The following CPQ variants were observed in gnomAD, a reference collection of about 807,000 sequenced individuals.
CPQ encodes the protein Ser-Met dipeptidase.
CPQ carries 37 observed loss-of-function variants against 45.7 expected under a neutral mutation model. The ratio of observed to expected loss-of-function variants is 0.81; its 90% CI spans 0.62 to 1.07. The LOEUF (loss-of-function observed/expected upper bound fraction) is 1.07, where lower values mean the gene tolerates loss of function less well. Ranked by LOEUF, CPQ falls within the 50% of genes least tolerant of loss-of-function variation. The pLI, the probability that CPQ is intolerant of heterozygous loss-of-function variation, is 0.00. For synonymous variants in CPQ, 186 were observed against 205.8 expected (o/e 0.90, Z 0.82); for missense variants, 537 against 572.9 (o/e 0.94, Z 0.64).
intron 7 of CPQ, among the ~76,000 whole-genome samples, chr8:97,073,148 T>C (rs890057832): frequency 4.6e-5 from 7 of 152,230 alleles, no homozygotes; most frequent in South Asian, 2.1e-4. Context: ...AGACTCCACG[T>C]TGAAGTACCA....
chr8:96,776,466 C>G (rs1044796607), intron 1 of CPQ, among the ~76,000 whole-genome samples: 7 of 152,170 alleles, frequency 4.6e-5, no homozygotes, highest in African/African-American at 1.4e-4. Flanking sequence ...ATCTTAGTCT[C>G]TCTATCTTTT....
At chr8:96,878,935 G>A (rs1315163769) in intron 3 of CPQ, among the ~76,000 whole-genome samples, 1 of 152,216 alleles carries the variant, frequency 6.6e-6, no homozygotes, top group Non-Finnish European at 1.5e-5. Context: ...AGCTGTGACA[G>A]TTTGGTCCTG....
intron 1 of CPQ, among the ~76,000 whole-genome samples, chr8:96,758,273 C>T (rs1001261243): frequency 6.6e-6 from 1 of 152,182 alleles, no homozygotes; most frequent in Non-Finnish European, 1.5e-5. Context: ...AGACTGATTG[C>T]TGCTCACTAT....
At chr8:96,866,439 G>T (rs939190563) in intron 3 of CPQ, among the ~76,000 whole-genome samples, 1 of 151,934 alleles carries the variant, frequency 6.6e-6, no homozygotes, top group East Asian at 1.9e-4. Flanking sequence ...AGGCAACTAG[G>T]AAAAATAGTT....
At chr8:96,720,519 T>C (rs1809748258) in intron 1 of CPQ, among the ~76,000 whole-genome samples, 2 of 152,218 alleles carry the variant, frequency 1.3e-5, no homozygotes, top group African/African-American at 4.8e-5. Context: ...CTCTAGGTGC[T>C]GCCTAAGCCC....
At chr8:96,840,026 G>T (rs552308646) in intron 3 of CPQ, among the ~76,000 whole-genome samples, 6 of 152,122 alleles carry the variant, frequency 3.9e-5, no homozygotes, top group African/African-American at 7.2e-5. Flanking sequence ...CTTCCATGCT[G>T]TTAGATTGTA....
At chr8:96,767,281 C>T (rs1414039149) in intron 1 of CPQ, among the ~76,000 whole-genome samples, 4 of 152,126 alleles carry the variant, frequency 2.6e-5, no homozygotes, top group East Asian at 1.9e-4. Context: ...GTTTCCTCAC[C>T]TCATTTCCCA....
At position 96,959,528 on chromosome 8, in the gene CPQ, G is replaced by A. The variant is rs1053075498; in HGVS notation, c.850-6407G>A. Among the ~76,000 whole-genome samples the A allele has an allele frequency of 5.9e-5, 9 of 151,864 alleles. No individual in the cohort carries two copies. The South Asian group carries it at 8.3e-4, about 14-fold the overall frequency. ...AGCCTGCATCAGAAGCTTCTTGCTC[G>A]CTTATATGACCCTAACGCTCACTGC... On this transcript the variant is annotated intron_variant, in intron 4 of 7. Coordinates refer to ENST00000220763, the MANE Select transcript of CPQ (RefSeq NM_016134.4).
chr8:97,018,356 A>G (rs1223939380), intron 5 of CPQ, among the ~76,000 whole-genome samples: 2 of 152,162 alleles, frequency 1.3e-5, no homozygotes, highest in African/African-American at 4.8e-5. Flanking sequence ...AAATCACACT[A>G]GCTCACCAAC....
intron 7 of CPQ, among the ~76,000 whole-genome samples, chr8:97,139,709 T>C (rs1487492972): frequency 1.3e-5 from 2 of 152,024 alleles, no homozygotes; most frequent in African/African-American, 2.4e-5. Flanking sequence ...AAACTACTAA[T>C]GGGAACTGGT....
chr8:97,055,571 G>A (rs572977253), intron 6 of CPQ: 1 of 152,396 alleles, frequency 6.6e-6, no homozygotes, highest in East Asian at 1.9e-4. Context: ...GGATGCTACT[G>A]CAGTACTCCA....
At chr8:97,000,593 ATC>A (rs1260967143) in intron 5 of CPQ, among the ~76,000 whole-genome samples, 3 of 151,890 alleles carry the variant, frequency 2.0e-5, no homozygotes. Flanking sequence ...TGTTCCATTG[ATC>A]TATGTGTCTG....
rs1190586770 is a variant in CPQ at position 97,041,240 on chromosome 8, A to G, written c.1053+11746A>G. Among the ~76,000 whole-genome samples, 24 of 152,022 alleles carry G rather than the reference A, an allele frequency of 1.6e-4. No homozygotes were observed. In the East Asian group the frequency reaches 3.1e-3, roughly 20 times the overall value. Reference sequence around the variant, plus strand: ...GATTCCTAGGTATTTTATTCTCTTTAAAGCAATTGTGAATGGGAGTTCACT... The same window carrying G: ...GATTCCTAGGTATTTTATTCTCTTTGAAGCAATTGTGAATGGGAGTTCACT... On this transcript the variant is annotated intron_variant, in intron 6 of 7. Transcript: ENST00000220763.
At chr8:96,992,373 T>C (rs1055574600) in intron 5 of CPQ, among the ~76,000 whole-genome samples, 57 of 152,234 alleles carry the variant, frequency 3.7e-4, no homozygotes, top group African/African-American at 1.3e-3. Flanking sequence ...GGTCTACTTT[T>C]GGAAGCCCAT....
At chr8:97,100,265 A>G (rs1811279754) in intron 7 of CPQ, among the ~76,000 whole-genome samples, 1 of 152,234 alleles carries the variant, frequency 6.6e-6, no homozygotes, top group South Asian at 2.1e-4. Flanking sequence ...GCAATATATC[A>G]CCAAGTATTA....
At chr8:96,805,593 T>TC (rs1372282238) in intron 2 of CPQ, among the ~76,000 whole-genome samples, 2 of 152,190 alleles carry the variant, frequency 1.3e-5, no homozygotes, top group African/African-American at 2.4e-5. Flanking sequence ...TTCATTTTTT[T>TC]CATGTATGTA....
rs577539726 is a variant in CPQ, at chr8:96,751,035, C to A, written c.-34-33829C>A. Among the ~76,000 whole-genome samples, 10 of 152,128 alleles carry A rather than the reference C, an allele frequency of 6.6e-5. No individual in the cohort carries two copies. The South Asian group carries it at 2.1e-3, about 32-fold the overall frequency. ...CCACATTTTCTTTATCCAGTCTATC[C>A]TGGATGGTCATTTGGGTTGATTCCA... On this transcript the variant is annotated intron_variant, in intron 1 of 7. Transcript: ENST00000220763.
At chr8:96,924,378 T>C (rs533418813) in intron 4 of CPQ, among the ~76,000 whole-genome samples, 7 of 152,336 alleles carry the variant, frequency 4.6e-5, no homozygotes, top group Admixed American at 2.6e-4. Flanking sequence ...AGCTTCCCTT[T>C]CTCTACAACC....
intron 4 of CPQ, among the ~76,000 whole-genome samples, chr8:96,892,546 A>T (rs1232079752): frequency 1.3e-5 from 2 of 152,234 alleles, no homozygotes; most frequent in African/African-American, 4.8e-5. Flanking sequence ...AAGAGTTTTA[A>T]GCTGGCAAAT....
Sources: allele counts gnomAD v4.1 joint callset (sites outside exome capture counted in the v4.1 genomes callset), GRCh38; gene constraint gnomAD v4.1.1; transcripts MANE v1.5; gene names NCBI Gene and HGNC (gene_info 2026-07-23, HGNC 2026-07-21).